SEMA3C: variants seen among roughly 807,000 people sequenced by gnomAD.
SEMA3C encodes the protein semaphorin 3C, also known as semaphorin-3C.
SEMA3C carries 47 observed loss-of-function variants against 89.4 expected under a neutral mutation model. The observed-to-expected ratio is 0.53, with a 90% confidence interval of 0.42 to 0.67. The LOEUF is 0.67. SEMA3C is among the 30% of genes least tolerant of loss of function. The pLI is 0.00. For synonymous variants in SEMA3C, 310 were observed against 320.2 expected (o/e 0.97, Z 0.34); for missense variants, 839 against 929.1 (o/e 0.90, Z 1.26).
chr7:80,802,645 T>C lies in SEMA3C; in HGVS notation c.916+20A>G. ...ACAAGCCTTCTTTCAGAAGCATTTTTCAATCTCATATGTATGTACCTAATT... is the reference window on the plus strand; with the variant it reads ...ACAAGCCTTCTTTCAGAAGCATTTTCCAATCTCATATGTATGTACCTAATT... On this transcript the variant is annotated intron_variant, in intron 9 of 17. Coordinates refer to ENST00000265361, the MANE Select transcript of SEMA3C (RefSeq NM_006379.5). 1 of 1,523,810 alleles carries C rather than the reference T, an allele frequency of 6.6e-7. No individual in the cohort carries two copies. The highest frequency in any genetic ancestry group is 9.1e-7 in the Non-Finnish European group (1 of 1,102,878). The allele number at this position is 1,523,810 out of a possible 1,614,324, so 94.4% of individuals were successfully genotyped here.
At chr7:80,787,390 TAAAA>T (rs1179102219) in intron 12 of SEMA3C, among the ~76,000 whole-genome samples, 4 of 99,896 alleles carry the variant, frequency 4.0e-5, no homozygotes, top group African/African-American at 7.9e-5. Flanking sequence ...AGACTCCGTT[TAAAA>T]AAAAAAAAAA....
chr7:80,860,452 T>C (rs767090419), intron 2 of SEMA3C, among the ~76,000 whole-genome samples: 2 of 152,098 alleles, frequency 1.3e-5, no homozygotes, highest in African/African-American at 4.8e-5. Flanking sequence ...ATACAATAGA[T>C]CCAACTGCAC....
intron 2 of SEMA3C, among the ~76,000 whole-genome samples, chr7:80,912,418 G>T (rs1449905636): frequency 6.6e-6 from 1 of 152,122 alleles, no homozygotes; most frequent in African/African-American, 2.4e-5. Context: ...CATTGCAATT[G>T]TATTTTATAA....
At position 80,805,634 on chromosome 7, in the gene SEMA3C, C is replaced by T. The variant is rs1789320851; in HGVS notation, c.658+5G>A. On this transcript the variant is annotated splice_donor_5th_base_variant and intron_variant, in intron 7 of 17. Transcript: ENST00000265361. The stretch of plus-strand genomic sequence containing the variant: ...AAAAAATAAATGCATCAAATGCTTT[C>T]TTACCACTTAGCCATTTGGAATTAT... 2 of 1,593,958 alleles carry T rather than the reference C, an allele frequency of 1.3e-6. No individual in the cohort carries two copies. Among genetic ancestry groups the T allele is most frequent in the Non-Finnish European group, 1.7e-6 (2 of 1,171,522 alleles).
chr7:80,891,519 T>C (rs1207827958), intron 2 of SEMA3C, among the ~76,000 whole-genome samples: 1 of 151,752 alleles, frequency 6.6e-6, no homozygotes, highest in Non-Finnish European at 1.5e-5. Context: ...GGAATCAGAA[T>C]GGTAACAAAA....
At chr7:80,800,949 T>A in intron 9 of SEMA3C, 123 bp from the exon 10 acceptor site, 1 of 481,506 alleles carries the variant, frequency 2.1e-6, no homozygotes, top group Non-Finnish European at 3.7e-6. Context: ...TCCTGTACCA[T>A]TATGGTAATT....
chr7:80,808,290 G>A (rs1789387050), intron 6 of SEMA3C, among the ~76,000 whole-genome samples: 1 of 145,662 alleles, frequency 6.9e-6, no homozygotes, highest in African/African-American at 2.5e-5. Context: ...GCATTTAAAA[G>A]GAAACAAATG....
chr7:80,828,585 A>T lies in SEMA3C; in HGVS notation c.264T>A (p.Ser88Arg). 6.2e-7 allele frequency: 1 copy of T among 1,604,120 alleles called. No homozygotes were observed. Among genetic ancestry groups the T allele is most frequent in the Non-Finnish European group, 8.5e-7 (1 of 1,174,192 alleles). ...NINNISQEAL[S>R]VFWPASTIKV... ...GTCCTCGTGAAAGTGATAAACTTAC[A>T]CTCAAAGCTTCTTGACTTATATTGT... is the stretch of plus-strand genomic sequence containing the variant. The change falls in exon 3 of 18, where the codon AGT (serine) becomes AGA (arginine). Residue 88 changes from serine to arginine, a missense_variant and splice_region_variant. Ser to Arg is a moderately radical substitution (Grantham distance 110). Coordinates refer to ENST00000265361, the MANE Select transcript of SEMA3C (RefSeq NM_006379.5).
intron 2 of SEMA3C, among the ~76,000 whole-genome samples, chr7:80,859,922 T>C (rs1412658162): frequency 6.6e-6 from 1 of 152,068 alleles, no homozygotes; most frequent in East Asian, 2.0e-4. Context: ...ACACTATTTT[T>C]TTTTTTAAAA....
At chr7:80,751,451 AT>A in intron 15 of SEMA3C, 115 bp from the exon 16 acceptor site, 6 of 887,248 alleles carry the variant, frequency 6.8e-6, no homozygotes, top group South Asian at 3.1e-5. Flanking sequence ...CTTTCATAAA[AT>A]TTTTTAAAAA....
At chr7:80,903,453 G>T (rs1218894743) in intron 2 of SEMA3C, among the ~76,000 whole-genome samples, 2 of 152,174 alleles carry the variant, frequency 1.3e-5, no homozygotes, top group Admixed American at 1.3e-4. Context: ...CTGAGGTCAG[G>T]AGTTCAGGAC....
chr7:80,919,722 G>C (rs1490156495), upstream of SEMA3C, among the ~76,000 whole-genome samples: 2 of 151,904 alleles, frequency 1.3e-5, no homozygotes, highest in Non-Finnish European at 2.9e-5. Context: ...CTGAATAGCT[G>C]GGACTACAGG....
chr7:80,891,495 T>C (rs1004077949), intron 2 of SEMA3C, among the ~76,000 whole-genome samples: 32 of 151,690 alleles, frequency 2.1e-4, no homozygotes, highest in African/African-American at 7.3e-4. Context: ...ATTTGAAATA[T>C]ACATGGAGGG....
chr7:80,875,603 A>G, intron 2 of SEMA3C, among the ~76,000 whole-genome samples: 1 of 152,072 alleles, frequency 6.6e-6, no homozygotes, highest in East Asian at 1.9e-4. Context: ...AAGGTCATAA[A>G]ATCCCCCTCC....
At chr7:80,786,927 G>A (rs1307503623) in intron 12 of SEMA3C, among the ~76,000 whole-genome samples, 1 of 152,186 alleles carries the variant, frequency 6.6e-6, no homozygotes, top group Non-Finnish European at 1.5e-5. Context: ...GAAGCATGAT[G>A]TTTGAAATGT....
chr7:80,922,251 A>G (rs1388959714), upstream of SEMA3C: 3 of 1,288,192 alleles, frequency 2.3e-6, no homozygotes, highest in Non-Finnish European at 3.0e-6. Flanking sequence ...ATAAGTTTCA[A>G]TACTTCCTCT....
chr7:80,819,733 T>G (rs1583908868), intron 4 of SEMA3C, among the ~76,000 whole-genome samples: 1 of 152,168 alleles, frequency 6.6e-6, no homozygotes, highest in African/African-American at 2.4e-5. Context: ...GAATAATTAT[T>G]GTAATTCTCA....
At chr7:80,846,806 G>T (rs1382675391) in intron 2 of SEMA3C, among the ~76,000 whole-genome samples, 1 of 152,094 alleles carries the variant, frequency 6.6e-6, no homozygotes, top group African/African-American at 2.4e-5. Context: ...GCACTATGAC[G>T]TGCATACACT....
chr7:80,865,355 T>C (rs1347032568), intron 2 of SEMA3C, among the ~76,000 whole-genome samples: 1 of 152,218 alleles, frequency 6.6e-6, no homozygotes, highest in South Asian at 2.1e-4. Context: ...ATATCCTCCA[T>C]GACACCCCTA....
Sources: gnomAD v4.1 joint callset for allele counts (sites outside exome capture counted in the v4.1 genomes callset) on GRCh38, gnomAD v4.1.1 for gene constraint, MANE v1.5 for transcripts, NCBI Gene and HGNC (gene_info 2026-07-23, HGNC 2026-07-21) for gene names.